Variants in PRKAR1B observed in about 807,000 individuals in gnomAD.
PRKAR1B encodes the protein protein kinase cAMP-dependent type I regulatory subunit beta, also known as cAMP-dependent protein kinase type I-beta regulatory subunit.
A neutral mutation model predicts 46.5 loss-of-function variants in PRKAR1B; 22 were observed. The observed-to-expected ratio is 0.47, with a 90% CI of 0.34 to 0.68. The LOEUF is 0.68. Among genes scored for constraint, PRKAR1B ranks in the 30% least tolerant of loss-of-function variants. The probability of loss-of-function intolerance (pLI) is 0.01; values close to 1 mark genes in which losing one functional copy is unlikely to be tolerated. For missense variants in PRKAR1B, 445 were observed against 535.6 expected (o/e 0.83, Z 1.67); for synonymous variants, 259 against 217.7 (o/e 1.19, Z -1.67).
chr7:711,206 G>T, intron 2 of PRKAR1B, 123 bp downstream of exon 2: 1 of 1,343,222 alleles, frequency 7.4e-7, no homozygotes, highest in Non-Finnish European at 1.0e-6. Flanking sequence ...CCTGCAGGAC[G>T]GCAGACAGTC....
At chr7:557,412 G>C (rs940539762) in intron 9 of PRKAR1B, among the ~76,000 whole-genome samples, 1 of 152,246 alleles carries the variant, frequency 6.6e-6, no homozygotes, top group Non-Finnish European at 1.5e-5. Context: ...GGGACTGTTT[G>C]TTACAGCAGC....
intron 2 of PRKAR1B, among the ~76,000 whole-genome samples, chr7:682,439 G>T (rs952270109): frequency 3.3e-5 from 5 of 152,064 alleles, no homozygotes; most frequent in Non-Finnish European, 7.4e-5. Context: ...AACATAGTGA[G>T]ACCATAACTC....
rs1294956381 is a variant in PRKAR1B at position 711,494 on chromosome 7, C to A, written c.12G>T (p.Pro4=). The change falls in exon 2 of 11, where the codon CCG becomes CCT. Residue 4 remains proline, a synonymous_variant. Coordinates refer to ENST00000537384, the MANE Select transcript of PRKAR1B (RefSeq NM_001164760.2). ...CGTCCTCCTCCGAGGGGCAGGCGGG[C>A]GGGGAGGCCATGGCGAGGGTGGCTG... is the stretch of plus-strand genomic sequence containing the variant. MAS[P]PACPSEEDES... is the part of the protein sequence containing the mutation. 6.2e-7 allele frequency: 1 copy of A among 1,613,266 alleles called. No individual in the cohort carries two copies. The highest frequency in any genetic ancestry group is 8.5e-7 in the Non-Finnish European group (1 of 1,179,642).
At chr7:638,837 G>C (rs1784254592) in intron 4 of PRKAR1B, among the ~76,000 whole-genome samples, 1 of 152,328 alleles carries the variant, frequency 6.6e-6, no homozygotes, top group East Asian at 1.9e-4. Flanking sequence ...AGCACTTTGG[G>C]AGGCTGAAGC....
intron 4 of PRKAR1B, among the ~76,000 whole-genome samples, chr7:615,518 A>G (rs1383175332): frequency 6.6e-6 from 1 of 150,814 alleles, no homozygotes; most frequent in East Asian, 2.0e-4. Flanking sequence ...AAAAGGAAGA[A>G]AGGAAAGAAA....
intron 9 of PRKAR1B, among the ~76,000 whole-genome samples, chr7:567,884 G>A (rs979868594): frequency 2.6e-5 from 4 of 152,144 alleles, no homozygotes; most frequent in African/African-American, 7.2e-5. Context: ...GGGAGAGGGG[G>A]GTGGGGAGTG....
intron 8 of PRKAR1B, 25 bp from the exon 9 acceptor site, chr7:579,402 T>C: frequency 6.2e-7 from 1 of 1,611,086 alleles, no homozygotes; most frequent in Non-Finnish European, 8.5e-7. Context: ...TGAGGACAGG[T>C]CATCCCGGGG....
At chr7:577,857 G>A (rs1211810955) in intron 9 of PRKAR1B, among the ~76,000 whole-genome samples, 1 of 152,246 alleles carries the variant, frequency 6.6e-6, no homozygotes, top group East Asian at 1.9e-4. Context: ...AGTGTTTGGT[G>A]TTACAGCTCG....
At chr7:603,381 G>C (rs1347788887) in intron 6 of PRKAR1B, 1 of 152,944 alleles carries the variant, frequency 6.5e-6, no homozygotes, top group Admixed American at 6.5e-5. Flanking sequence ...TTGTGAGGCA[G>C]AGCAGGAATG....
chr7:616,805 A>G (rs1782846482), intron 4 of PRKAR1B, among the ~76,000 whole-genome samples: 1 of 152,218 alleles, frequency 6.6e-6, no homozygotes. Flanking sequence ...TTGAAGCCAA[A>G]AGCCATCCAT....
chr7:680,462 G>A lies in PRKAR1B; in HGVS notation c.348+94C>T, dbSNP rs955723319. The A allele has an allele frequency of 3.8e-5, 47 of 1,251,986 alleles. No homozygotes were observed. In the African/African-American group the frequency reaches 6.9e-4, roughly 18 times the overall value. 77.6% of individuals were successfully genotyped at this position (1,251,986 alleles called of 1,614,324 possible). A position where few individuals can be genotyped will look rare whatever the true frequency, so the allele number is the denominator to read the frequency against. On this transcript the variant is annotated intron_variant, in intron 3 of 10. Transcript: ENST00000537384. ...CAGGATGACACTGAGACCCCCAGGA[G>A]GATGAGGGTGCCCCGTGGGCTTCCA...
At chr7:572,949 T>C (rs533656228) in intron 9 of PRKAR1B, among the ~76,000 whole-genome samples, 1 of 152,302 alleles carries the variant, frequency 6.6e-6, no homozygotes, top group South Asian at 2.1e-4. Context: ...CTCCACGCGC[T>C]GCTTCAAGAA....
At chr7:574,975 G>A (rs1206748581) in intron 9 of PRKAR1B, among the ~76,000 whole-genome samples, 4 of 152,198 alleles carry the variant, frequency 2.6e-5, no homozygotes, top group Non-Finnish European at 5.9e-5. Context: ...GAGAGCCACC[G>A]CCATTGCTCT....
rs2032124723 is a variant in PRKAR1B, at chr7:727,192, G to A, written c.-23+18C>T. 16 of 1,344,782 alleles carry A rather than the reference G, an allele frequency of 1.2e-5. No homozygotes were observed. The highest frequency in any genetic ancestry group is 3.1e-5 in the African/African-American group (2 of 65,048). 83.3% of individuals were successfully genotyped at this position (1,344,782 alleles called of 1,614,324 possible). ...GGGCCTGGCCGTGGACCTGTGCGGC[G>A]CCGCGCTCGCGCCCCACCTGGACGA... On this transcript the variant is annotated intron_variant, in intron 1 of 10. Transcript: ENST00000537384.
At chr7:707,101 T>G (rs1021041843) in intron 2 of PRKAR1B, among the ~76,000 whole-genome samples, 3 of 152,248 alleles carry the variant, frequency 2.0e-5, no homozygotes, top group Non-Finnish European at 4.4e-5. Flanking sequence ...CATGGAATTT[T>G]AGGGCCCTGT....
chr7:570,530 GC>G (rs1458542034), intron 9 of PRKAR1B, among the ~76,000 whole-genome samples: 1 of 151,890 alleles, frequency 6.6e-6, no homozygotes, highest in Non-Finnish European at 1.5e-5. Context: ...CCCACTGCCT[GC>G]CCAGCAGTCC....
intron 4 of PRKAR1B, among the ~76,000 whole-genome samples, chr7:640,024 G>C (rs532969401): frequency 6.6e-6 from 1 of 151,626 alleles, no homozygotes; most frequent in African/African-American, 2.4e-5. Context: ...TTAGCCAGGC[G>C]TGGTGGCATG....
At chr7:727,093 T>G (rs1781341579) in intron 1 of PRKAR1B, 117 bp downstream of exon 1, 1 of 1,058,380 alleles carries the variant, frequency 9.4e-7, no homozygotes, top group Admixed American at 5.5e-5. Flanking sequence ...CGCCGCGCGC[T>G]TGGCCGGCCC....
At chr7:716,033 ATT>A (rs373770395) in intron 1 of PRKAR1B, among the ~76,000 whole-genome samples, 5 of 144,948 alleles carry the variant, frequency 3.4e-5, no homozygotes, top group East Asian at 2.0e-4. Flanking sequence ...TTCTTTATAT[ATT>A]TTTTTTTTTA....
Sources: allele counts gnomAD v4.1 joint callset (sites outside exome capture counted in the v4.1 genomes callset), GRCh38; gene constraint gnomAD v4.1.1; transcripts MANE v1.5; gene names NCBI Gene and HGNC (gene_info 2026-07-23, HGNC 2026-07-21).